ZRANB3: variants seen among roughly 807,000 people sequenced by gnomAD.
The protein encoded by ZRANB3 is DNA annealing helicase and endonuclease ZRANB3.
In ZRANB3, 125 loss-of-function variants were observed where a neutral mutation model predicts 133.8. The observed-to-expected ratio is 0.93, with a 90% CI of 0.81 to 1.08. ZRANB3 has a LOEUF of 1.08. Among genes scored for constraint, ZRANB3 ranks in the 50% least tolerant of loss-of-function variants. ZRANB3 has a pLI of 0.00. For synonymous variants in ZRANB3, 387 were observed against 432.7 expected (o/e 0.89, Z 1.31); for missense variants, 1,229 against 1,275.5 (o/e 0.96, Z 0.56).
intron 12 of ZRANB3, among the ~76,000 whole-genome samples, chr2:135,238,415 C>A (rs1218541524): frequency 1.5e-5 from 2 of 136,938 alleles, no homozygotes; most frequent in African/African-American, 2.9e-5. Context: ...TTTTTTGAGG[C>A]AGAGTTTCAC....
chr2:135,222,569 A>G (rs2105057610), intron 15 of ZRANB3, among the ~76,000 whole-genome samples: 1 of 152,178 alleles, frequency 6.6e-6, no homozygotes, highest in South Asian at 2.1e-4. Context: ...TCTTTCACAA[A>G]TGTATGGTGA....
intron 2 of ZRANB3, among the ~76,000 whole-genome samples, chr2:135,447,248 A>G (rs999697671): frequency 3.3e-5 from 5 of 152,120 alleles, no homozygotes; most frequent in Non-Finnish European, 7.4e-5. Context: ...CATGTTTGCC[A>G]GGCTGGTCTT....
chr2:135,297,234 G>A (rs1484505360), intron 8 of ZRANB3, among the ~76,000 whole-genome samples: 1 of 152,224 alleles, frequency 6.6e-6, no homozygotes, highest in African/African-American at 2.4e-5. Flanking sequence ...CCGAGTTCGA[G>A]CTTCCCGGCC....
chr2:135,323,676 CA>C lies in ZRANB3; in HGVS notation c.678-8147del, dbSNP rs569370931. Among the ~76,000 whole-genome samples, 38 of 151,464 alleles carry C rather than the reference CA, an allele frequency of 2.5e-4. 1 individual carries two copies. In the South Asian group the frequency reaches 7.1e-3, roughly 28 times the overall value. On this transcript the variant is annotated intron_variant, in intron 6 of 20. Coordinates refer to ENST00000264159, the MANE Select transcript of ZRANB3 (RefSeq NM_032143.4). The stretch of plus-strand genomic sequence containing the variant: ...ATAAGGATTATAAATAAAATTGATT[CA>C]AAAAAAACATGAGTTAAAAACTCTC...
At chr2:135,458,297 T>C (rs759047691) in intron 2 of ZRANB3, among the ~76,000 whole-genome samples, 11 of 152,102 alleles carry the variant, frequency 7.2e-5, no homozygotes, top group African/African-American at 2.2e-4. Flanking sequence ...AGCTATGTAG[T>C]AGTTTCAAAA....
intron 2 of ZRANB3, among the ~76,000 whole-genome samples, chr2:135,457,143 G>C (rs769464289): frequency 5.9e-5 from 9 of 152,182 alleles, no homozygotes; most frequent in Non-Finnish European, 5.9e-5. Flanking sequence ...ATGTGATACA[G>C]TGTATTAGTA....
intron 6 of ZRANB3, among the ~76,000 whole-genome samples, chr2:135,328,679 A>G (rs1029905443): frequency 6.6e-6 from 1 of 152,150 alleles, no homozygotes; most frequent in African/African-American, 2.4e-5. Flanking sequence ...ACTCCCACAA[A>G]CACTGTAAAA....
chr2:135,218,312 T>C (rs1486724192), intron 16 of ZRANB3, among the ~76,000 whole-genome samples: 1 of 152,126 alleles, frequency 6.6e-6, no homozygotes, highest in East Asian at 1.9e-4. Flanking sequence ...TCGTAAATGA[T>C]GCCTACGTTT....
intron 6 of ZRANB3, among the ~76,000 whole-genome samples, chr2:135,319,966 T>C (rs1212854138): frequency 6.6e-6 from 1 of 152,202 alleles, no homozygotes; most frequent in East Asian, 1.9e-4. Context: ...CAGGGACATA[T>C]GATCCTGTGA....
intron 12 of ZRANB3, among the ~76,000 whole-genome samples, chr2:135,245,510 G>A (rs933017297): frequency 2.0e-5 from 3 of 151,964 alleles, no homozygotes; most frequent in Non-Finnish European, 2.9e-5. Flanking sequence ...GGAGTGAAGT[G>A]GCACAATCTT....
chr2:135,236,520 A>G (rs1047845782), intron 12 of ZRANB3, among the ~76,000 whole-genome samples: 7 of 152,144 alleles, frequency 4.6e-5, no homozygotes, highest in African/African-American at 1.7e-4. Flanking sequence ...GAGGCATCAC[A>G]CTACCTGACT....
intron 8 of ZRANB3, among the ~76,000 whole-genome samples, chr2:135,309,859 A>G (rs907779082): frequency 1.2e-4 from 19 of 152,258 alleles, no homozygotes; most frequent in Admixed American, 6.5e-5. Context: ...CATACAGAAA[A>G]GCGAAGGACC....
intron 8 of ZRANB3, among the ~76,000 whole-genome samples, chr2:135,294,328 G>A (rs1283762751): frequency 2.6e-5 from 4 of 152,168 alleles, no homozygotes; most frequent in Non-Finnish European, 5.9e-5. Flanking sequence ...TCTTGGGAGG[G>A]TGTATGTGTT....
intron 8 of ZRANB3, among the ~76,000 whole-genome samples, chr2:135,293,963 A>G (rs1361740624): frequency 6.6e-6 from 1 of 151,818 alleles, no homozygotes; most frequent in African/African-American, 2.4e-5. Flanking sequence ...ATCATGGTGG[A>G]TAAGCTTTTT....
chr2:135,401,989 C>A (rs1398691373), intron 2 of ZRANB3, among the ~76,000 whole-genome samples: 2 of 152,000 alleles, frequency 1.3e-5, no homozygotes, highest in Non-Finnish European at 2.9e-5. Context: ...GTTAACTGAA[C>A]TATTTTTATT....
chr2:135,478,168 C>T (rs1691584752), intron 2 of ZRANB3, among the ~76,000 whole-genome samples: 1 of 151,784 alleles, frequency 6.6e-6, no homozygotes, highest in South Asian at 2.1e-4. Flanking sequence ...TATATATATA[C>T]ATACACACGT....
intron 17 of ZRANB3, among the ~76,000 whole-genome samples, chr2:135,215,524 A>T (rs1044925090): frequency 6.6e-6 from 1 of 151,968 alleles, no homozygotes; most frequent in African/African-American, 2.4e-5. Flanking sequence ...AAGTTCTGGA[A>T]TTACAGGCGT....
At chr2:135,393,525 A>C (rs1400090953) in intron 2 of ZRANB3, among the ~76,000 whole-genome samples, 1 of 152,192 alleles carries the variant, frequency 6.6e-6, no homozygotes, top group Non-Finnish European at 1.5e-5. Context: ...TTTACAAAAA[A>C]TAGGTGTTCA....
At chr2:135,438,233 C>A (rs893764329) in intron 2 of ZRANB3, among the ~76,000 whole-genome samples, 4 of 152,078 alleles carry the variant, frequency 2.6e-5, no homozygotes, top group African/African-American at 9.7e-5. Context: ...ACATGGAAAG[C>A]AATATTTTCA....
Sources: gnomAD v4.1 joint callset for allele counts (sites outside exome capture counted in the v4.1 genomes callset) on GRCh38, gnomAD v4.1.1 for gene constraint, MANE v1.5 for transcripts, NCBI Gene and HGNC (gene_info 2026-07-23, HGNC 2026-07-21) for gene names.